Variants in DHX37 observed in about 807,000 individuals in gnomAD.
DHX37 encodes probable ATP-dependent RNA helicase DHX37.
DHX37 carries 52 observed loss-of-function variants against 134.3 expected under a neutral mutation model. The observed-to-expected ratio is 0.39, with a 90% CI of 0.31 to 0.49. The LOEUF is 0.49. Ranked by LOEUF, DHX37 falls within the 20% of genes least tolerant of loss-of-function variation. DHX37 has a pLI of 0.93. For missense variants in DHX37, 1,344 were observed against 1,580.8 expected (o/e 0.85, Z 2.54); for synonymous variants, 634 against 670.7 (o/e 0.95, Z 0.85).
chr12:124,988,850 C>A, intron 1 of DHX37, 67 bp downstream of exon 1: 1 of 1,081,968 alleles, frequency 9.2e-7, no homozygotes, highest in South Asian at 3.6e-5. Flanking sequence ...CCCGAGAGTC[C>A]TGAAGGCAGG....
rs778393160 is a variant in DHX37 at position 124,968,598 on chromosome 12, C to A, written c.1344G>T (p.Pro448=). 2 of 1,614,008 alleles carry A rather than the reference C, an allele frequency of 1.2e-6. No individual in the cohort carries two copies. Among genetic ancestry groups the A allele is most frequent in the Non-Finnish European group, 1.7e-6 (2 of 1,180,056 alleles). The change falls in exon 10 of 27, where the codon CCG becomes CCT. Residue 448 remains proline, a synonymous_variant. Transcript: ENST00000308736. ...PVTVHFNKRT[P]LEDYSGECFR... ...AGCACTCGCCACTGTAGTCTTCCAG[C>A]GGTGTCCGCTTGTTGAAATGCACAG... is the stretch of plus-strand genomic sequence containing the variant.
intron 12 of DHX37, 83 bp from the exon 13 acceptor site, chr12:124,965,895 C>A: frequency 6.5e-7 from 1 of 1,527,556 alleles, no homozygotes; most frequent in Non-Finnish European, 8.8e-7. Flanking sequence ...CAGGTGCCCT[C>A]GCATGGAAGC....
intron 10 of DHX37, among the ~76,000 whole-genome samples, chr12:124,968,177 A>C (rs1954434185): frequency 6.6e-6 from 1 of 152,028 alleles, no homozygotes. Context: ...AGCAGGTATG[A>C]TGGGGACAAG....
Position 124,982,712 on chromosome 12 carries a change from T to C in DHX37, c.277-89A>G. 6 of 1,540,160 alleles carry C rather than the reference T, an allele frequency of 3.9e-6. No individual in the cohort carries two copies. The South Asian group carries it at 7.1e-5, about 18-fold the overall frequency. On this transcript the variant is annotated intron_variant, in intron 2 of 26. Transcript: ENST00000308736. ...AGACTGTAATAAAATTTCAGCATCA[T>C]TAACACCTGGAGTCTTTAAAATCGG... is the stretch of plus-strand genomic sequence containing the variant.
intron 21 of DHX37, 71 bp downstream of exon 21, chr12:124,952,327 G>T: frequency 6.7e-7 from 1 of 1,481,756 alleles, no homozygotes. Flanking sequence ...CCCAGACCCT[G>T]AGGGCCCAGC....
Position 124,964,943 on chromosome 12 carries a change from T to G in DHX37, c.1799A>C (p.Glu600Ala). 1 of 1,594,850 alleles carries G rather than the reference T, an allele frequency of 6.3e-7. No individual in the cohort carries two copies. The highest frequency in any genetic ancestry group is 2.3e-5 in the East Asian group (1 of 44,170). ...CAGCACGGTTACCTGTGCTTGCTTC[T>G]CTGGGGCCAGCAGAGAGTACAGCGG... The part of the protein sequence containing the change: ...VLPLYSLLAP[E>A]KQAQVFKPPP... The change falls in exon 14 of 27, where the codon GAG becomes GCG. Residue 600 changes from glutamate to alanine, a missense_variant. Transcript: ENST00000308736.
intron 5 of DHX37, among the ~76,000 whole-genome samples, chr12:124,976,275 C>T (rs1461230355): frequency 6.6e-6 from 1 of 152,224 alleles, no homozygotes; most frequent in African/African-American, 2.4e-5. Context: ...CTGATCGCGT[C>T]CTTCGCTGTA....
chr12:124,958,103 A>G (rs1954138783), intron 16 of DHX37, among the ~76,000 whole-genome samples: 1 of 152,226 alleles, frequency 6.6e-6, no homozygotes. Flanking sequence ...GGTGACAGAT[A>G]AAGGGTACAT....
intron 2 of DHX37, among the ~76,000 whole-genome samples, chr12:124,983,358 A>C (rs1954793894): frequency 6.7e-6 from 1 of 149,996 alleles, no homozygotes; most frequent in African/African-American, 2.4e-5. Context: ...CGGCCTCCCA[A>C]AGTTCTGGGA....
intron 4 of DHX37, among the ~76,000 whole-genome samples, chr12:124,978,043 C>T (rs1954679950): frequency 6.6e-6 from 1 of 152,218 alleles, no homozygotes; most frequent in African/African-American, 2.4e-5. Context: ...TCACTGCAAC[C>T]TCTGCCTCCC....
chr12:124,974,789 T>C (rs1465242532), intron 6 of DHX37, among the ~76,000 whole-genome samples: 1 of 145,312 alleles, frequency 6.9e-6, no homozygotes, highest in Non-Finnish European at 1.5e-5. Context: ...TTTTTTTTTT[T>C]TTTTGAGACA....
At chr12:124,970,542 A>T (rs933791416) in intron 8 of DHX37, among the ~76,000 whole-genome samples, 3 of 151,874 alleles carry the variant, frequency 2.0e-5, no homozygotes, top group Admixed American at 2.0e-4. Flanking sequence ...TCAGCCTTCC[A>T]CTTGAGCTCA....
chr12:124,954,773 T>C (rs55681666), intron 18 of DHX37, among the ~76,000 whole-genome samples: 40,368 of 152,130 alleles, frequency 0.27, 7,132 homozygotes, highest in African/African-American at 0.51. Flanking sequence ...AATAAATGAA[T>C]GATGCCAGTG....
chr12:124,974,725 T>A (rs1006594289), intron 6 of DHX37, among the ~76,000 whole-genome samples: 1 of 151,986 alleles, frequency 6.6e-6, no homozygotes, highest in African/African-American at 2.4e-5. Flanking sequence ...GTGCTATATC[T>A]GCCTGTTCAA....
At chr12:124,954,350 C>T in intron 18 of DHX37, 139 bp from the exon 19 acceptor site, 1 of 1,322,040 alleles carries the variant, frequency 7.6e-7, no homozygotes, top group Non-Finnish European at 1.0e-6. Context: ...GTATTAAGGT[C>T]CAGCTCAAAA....
At chr12:124,979,088 G>A (rs1441159839) in intron 4 of DHX37, among the ~76,000 whole-genome samples, 3 of 152,144 alleles carry the variant, frequency 2.0e-5, no homozygotes, top group African/African-American at 7.2e-5. Context: ...ATGTGCTCAT[G>A]CCTGTAATCC....
chr12:124,988,801 C>T (rs539862068), intron 1 of DHX37, 116 bp downstream of exon 1: 122 of 514,112 alleles, frequency 2.4e-4, no homozygotes, highest in African/African-American at 2.2e-3. Context: ...ACCCATTCCC[C>T]CATTCCAGAT....
At chr12:124,960,528 C>T (rs1246722392) in intron 15 of DHX37, 105 bp from the exon 16 acceptor site, 5 of 1,508,642 alleles carry the variant, frequency 3.3e-6, no homozygotes, top group Admixed American at 2.1e-5. Flanking sequence ...AAAACTCAGT[C>T]ATGCCACTGG....
In DHX37 at chr12:124,986,204, T is replaced by C; in HGVS notation, c.168A>G (p.Lys56=). 4 of 1,614,194 alleles carry C rather than the reference T, an allele frequency of 2.5e-6. No individual in the cohort carries two copies. Among genetic ancestry groups the C allele is most frequent in the Non-Finnish European group, 3.4e-6 (4 of 1,180,044 alleles). Residue 56 remains lysine (K), a synonymous_variant, in exon 2 of 27, where the codon AAA becomes AAG. Transcript: ENST00000308736. ...ACAGGGGAGGGGCTTTGGTCTTCTT[T>C]TTCTTCTTCCCCGGTAGAACGAGCG... ...SNALVLPGKK[K]KKTKAPPLSK... is the part of the protein sequence containing the mutation.
Sources: allele counts gnomAD v4.1 joint callset (sites outside exome capture counted in the v4.1 genomes callset), GRCh38; gene constraint gnomAD v4.1.1; transcripts MANE v1.5; gene names NCBI Gene and HGNC (gene_info 2026-07-23, HGNC 2026-07-21).